Variants in ENTREP3 observed in about 807,000 individuals in gnomAD.
ENTREP3 encodes endosomal transmembrane epsin interactor 3, also known as protein ENTREP3.
the ENTREP3 span, chr1:155,254,779 G>A: frequency 6.2e-7 from 1 of 1,613,802 alleles, no homozygotes; most frequent in Non-Finnish European, 8.5e-7. The surrounding 1 kb of genome is among the most constrained non-coding windows in gnomAD (Gnocchi z 4.4). Flanking sequence ...GCGTAAGCAG[G>A]GCCTGCAGCC....
chr1:155,251,400 C>T, the ENTREP3 span: 1 of 874,890 alleles, frequency 1.1e-6, no homozygotes. Flanking sequence ...CTGTAAAGAC[C>T]TTGACCACTG....
At chr1:155,250,445 C>G in the ENTREP3 span, 1 of 1,484,630 alleles carries the variant, frequency 6.7e-7, no homozygotes, top group Non-Finnish European at 8.9e-7. This position sits in a 1 kb window ranked among gnomAD's most constrained non-coding sequence, Gnocchi z 5.4. Flanking sequence ...CTGGGCGGCC[C>G]CCTCCCCGGG....
chr1:155,253,563 C>A, the ENTREP3 span: 1 of 1,193,478 alleles, frequency 8.4e-7, no homozygotes, highest in African/African-American at 1.5e-5. Flanking sequence ...TCAGGCAAGT[C>A]TCAGCACACA....
the ENTREP3 span, chr1:155,250,127 A>T: frequency 1.6e-6 from 1 of 611,104 alleles, no homozygotes; most frequent in Non-Finnish European, 2.7e-6. This position sits in a 1 kb window ranked among gnomAD's most constrained non-coding sequence, Gnocchi z 5.4. Flanking sequence ...GGAGGTGAGT[A>T]CCTGAGAAGT....
At chr1:155,247,624 C>A in the ENTREP3 span, 1 of 766,494 alleles carries the variant, frequency 1.3e-6, no homozygotes, top group South Asian at 1.5e-5. Flanking sequence ...CAGAGGCAAG[C>A]AGCAAGAGAC....
the ENTREP3 span, among the ~76,000 whole-genome samples, chr1:155,249,387 G>A: frequency 4.9e-4 from 75 of 151,962 alleles, 1 homozygote; most frequent in South Asian, 0.014. Context: ...CACCGTGCCC[G>A]GCCTGAAGTA....
chr1:155,255,037 TG>T, the ENTREP3 span: 7 of 616,436 alleles, frequency 1.1e-5, no homozygotes, highest in East Asian at 2.8e-5. The surrounding 1 kb of genome is among the most constrained non-coding windows in gnomAD (Gnocchi z 5.6). Context: ...ACGCCAGCTG[TG>T]GGGGGGGCCA....
At chr1:155,250,641 A>C in the ENTREP3 span, 2 of 1,611,314 alleles carry the variant, frequency 1.2e-6, no homozygotes, top group African/African-American at 2.7e-5. This position sits in a 1 kb window ranked among gnomAD's most constrained non-coding sequence, Gnocchi z 5.4. Context: ...GGGGCCCCGC[A>C]GGCCACAGTC....
the ENTREP3 span, chr1:155,251,587 C>T: frequency 6.2e-7 from 1 of 1,613,964 alleles, no homozygotes; most frequent in Non-Finnish European, 8.5e-7. Context: ...GTCCATGGAG[C>T]CATTGTACGT....
chr1:155,250,599 G>C, the ENTREP3 span: 10 of 1,606,702 alleles, frequency 6.2e-6, no homozygotes, highest in Admixed American at 1.3e-4. This position sits in a 1 kb window ranked among gnomAD's most constrained non-coding sequence, Gnocchi z 5.4. Flanking sequence ...GGCAGCCCGT[G>C]GGGGGCGCCG....
the ENTREP3 span, chr1:155,254,064 T>C: frequency 6.2e-7 from 1 of 1,613,500 alleles, no homozygotes; most frequent in Non-Finnish European, 8.5e-7. This position sits in a 1 kb window ranked among gnomAD's most constrained non-coding sequence, Gnocchi z 4.4. Flanking sequence ...TCTTTCCAGC[T>C]CTCCCTCCTC....
chr1:155,251,621 G>T, the ENTREP3 span: 1 of 1,609,652 alleles, frequency 6.2e-7, no homozygotes, highest in Non-Finnish European at 8.5e-7. Flanking sequence ...GAGGAAGAGG[G>T]TCAATGTAGG....
chr1:155,252,041 C>T, the ENTREP3 span: 1 of 620,656 alleles, frequency 1.6e-6, no homozygotes, highest in South Asian at 2.7e-5. Context: ...TGGCCCCTCC[C>T]TCACCCAAAA....
the ENTREP3 span, chr1:155,247,682 T>C: frequency 7.0e-3 from 8,201 of 1,164,498 alleles, 42 homozygotes; most frequent in Non-Finnish European, 8.2e-3. Context: ...TACAGCAGGT[T>C]TCTTTTTGTG....
the ENTREP3 span, chr1:155,254,184 A>G: frequency 6.2e-7 from 1 of 1,613,404 alleles, no homozygotes; most frequent in African/African-American, 1.3e-5. The surrounding 1 kb of genome is among the most constrained non-coding windows in gnomAD (Gnocchi z 4.4). Flanking sequence ...AAGCAAGGAG[A>G]AGAAGGAGAT....
the ENTREP3 span, chr1:155,247,869 C>G: frequency 1.3e-5 from 20 of 1,534,970 alleles, no homozygotes; most frequent in Non-Finnish European, 1.7e-5. Context: ...ACAGGAGACG[C>G]CGCAGGGAAG....
chr1:155,252,712 A>ATTTTTTT, the ENTREP3 span: 2 of 50,148 alleles, frequency 4.0e-5, no homozygotes, highest in African/African-American at 1.1e-4. Context: ...ATATATATAT[A>ATTTTTTT]TATATATATA....
chr1:155,252,805 C>T, the ENTREP3 span: 2 of 136,490 alleles, frequency 1.5e-5, no homozygotes, highest in Admixed American at 7.7e-5. Flanking sequence ...CATCTCAGCT[C>T]ACTGCAGCCT....
the ENTREP3 span, chr1:155,248,587 C>G: frequency 2.4e-6 from 2 of 822,912 alleles, no homozygotes; most frequent in South Asian, 2.9e-5. Flanking sequence ...CACGCTCCAT[C>G]CCCAATCAAA....
Sources: gnomAD v4.1 joint callset for allele counts (sites outside exome capture counted in the v4.1 genomes callset) on GRCh38, gnomAD v4.1.1 for gene constraint, Gnocchi (gnomAD v3.1) non-coding constraint, MANE v1.5 for transcripts, NCBI Gene and HGNC (gene_info 2026-07-23, HGNC 2026-07-21) for gene names.